The following FRRS1 variants were observed in gnomAD, a reference collection of about 807,000 sequenced individuals.
FRRS1 encodes ferric chelate reductase 1, also known as ferric reductase 1.
In FRRS1, 51 loss-of-function variants were observed where a neutral mutation model predicts 70.7. The observed-to-expected ratio is 0.72, with a 90% CI of 0.58 to 0.91. The LOEUF (loss-of-function observed/expected upper bound fraction) is 0.91. FRRS1 is among the 40% of genes least tolerant of loss of function. The probability of loss-of-function intolerance (pLI) is 0.00; values close to 1 mark genes in which losing one functional copy is unlikely to be tolerated. For synonymous variants in FRRS1, 225 were observed against 238.7 expected (o/e 0.94, Z 0.53); for missense variants, 672 against 726.0 (o/e 0.93, Z 0.86).
At chr1:99,766,308 T>C (rs891910514) in intron 1 of FRRS1, among the ~76,000 whole-genome samples, 1 of 152,016 alleles carries the variant, frequency 6.6e-6, no homozygotes, top group Admixed American at 6.6e-5. Context: ...AAAAAACTCC[T>C]GCAAGAATAA....
At position 99,704,541 on chromosome 1, in the gene FRRS1, CTAAG is replaced by C. The variant is rs1224051280; in HGVS notation, c.*4483_*4486del. ...CACCCCCAAACCCGTGCCCACGGGT[CTAAG>C]TGAGGACAGGCACCCCTGCCTTCAG... is the stretch of plus-strand genomic sequence containing the variant. On this transcript the variant is annotated 3_prime_UTR_variant, in exon 17 of 17. Transcript: ENST00000646001. 2.0e-5 allele frequency among the ~76,000 whole-genome samples: 3 copies of C among 152,152 alleles called. No individual in the cohort carries two copies. The highest frequency in any genetic ancestry group is 6.5e-5 in the Admixed American group (1 of 15,280).
rs1013157150 is a variant in FRRS1 at position 99,706,653 on chromosome 1, G to A, written c.*2375C>T. ...TCGTGCCTGTAATCCCAGCACTTTGGGAGGCTGAGGCGGGTGGATTACTTT... is the reference window on the plus strand; with the variant it reads ...TCGTGCCTGTAATCCCAGCACTTTGAGAGGCTGAGGCGGGTGGATTACTTT... On this transcript the variant is annotated 3_prime_UTR_variant, in exon 17 of 17. Transcript: ENST00000646001. Among the ~76,000 whole-genome samples the A allele has an allele frequency of 1.3e-5, 2 of 152,112 alleles. No individual in the cohort carries two copies. Among genetic ancestry groups the A allele is most frequent in the Non-Finnish European group, 2.9e-5 (2 of 68,022 alleles).
At chr1:99,730,874 A>C (rs1655343973) in intron 7 of FRRS1, among the ~76,000 whole-genome samples, 1 of 150,416 alleles carries the variant, frequency 6.6e-6, no homozygotes, top group Non-Finnish European at 1.5e-5. Flanking sequence ...CTCAAAAAAA[A>C]AAAAAAAAAA....
In FRRS1 at chr1:99,748,998, T is replaced by C; in HGVS notation, c.-102A>G. The C allele has an allele frequency of 2.6e-6, 1 of 383,096 alleles. No homozygotes were observed. The highest frequency in any genetic ancestry group is 4.6e-6 in the Non-Finnish European group (1 of 215,702). 23.7% of individuals were successfully genotyped at this position (383,096 alleles called of 1,614,324 possible). On this transcript the variant is annotated 5_prime_UTR_variant, in exon 2 of 17. Transcript: ENST00000646001. ...GCAAATCATTTAATCCTCCACTTCC[T>C]TACCTGAAAAATAAGGAAACAAAGA...
intron 1 of FRRS1, chr1:99,765,155 C>T (rs2101012958): frequency 6.6e-6 from 1 of 152,336 alleles, no homozygotes; most frequent in African/African-American, 2.4e-5. Flanking sequence ...AATCAACATA[C>T]TGGCTAACTA....
Position 99,711,184 on chromosome 1 carries a change from G to A in FRRS1, c.1481-235C>T, listed in dbSNP as rs189481234. 2.6e-4 allele frequency among the ~76,000 whole-genome samples: 40 copies of A among 152,254 alleles called. 2 individuals carry two copies. In the East Asian group the frequency reaches 5.6e-3, roughly 21 times the overall value. Reference sequence around the variant, plus strand: ...TGGGGGGCGGTTTAGGGCATATTGCGTAATAATGCTGGAGTTTGGCCTTCT... The same window carrying A: ...TGGGGGGCGGTTTAGGGCATATTGCATAATAATGCTGGAGTTTGGCCTTCT... On this transcript the variant is annotated intron_variant, in intron 14 of 16. Transcript: ENST00000646001.
rs963426631 is a variant in FRRS1 at position 99,707,732 on chromosome 1, T to C, written c.*1296A>G. On this transcript the variant is annotated 3_prime_UTR_variant, in exon 17 of 17. Coordinates refer to ENST00000646001, the MANE Select transcript of FRRS1 (RefSeq NM_001361041.2). ...ACAAAGCAGTGCAGTACTTCGGTAT[T>C]ACAGCGCCACCCACTGGCTAGAAGT... 2.0e-5 allele frequency among the ~76,000 whole-genome samples: 3 copies of C among 152,210 alleles called. No homozygotes were observed. The highest frequency in any genetic ancestry group is 2.0e-4 in the Admixed American group (3 of 15,282).
At chr1:99,741,412 G>C (rs1463635523) in intron 5 of FRRS1, among the ~76,000 whole-genome samples, 1 of 152,192 alleles carries the variant, frequency 6.6e-6, no homozygotes, top group Non-Finnish European at 1.5e-5. Context: ...TACCAGTGCA[G>C]AGTTGTGTTA....
In FRRS1 at chr1:99,748,744, C is replaced by G. The variant is rs764615877; in HGVS notation, c.25G>C (p.Gly9Arg). The change falls in exon 3 of 17, where the codon GGT becomes CGT. Residue 9 changes from glycine (G) to arginine (R), a missense_variant. By Grantham distance (125) the Gly-to-Arg change is moderately radical. Transcript: ENST00000646001. ...ATGTGCAACAGAAGTATGCAGGTAC[C>G]AAGAGTAAATCCAGAAACTGCCATC... MAVSGFTLGTCILLLHISY... is the reference protein window; with the variant it reads MAVSGFTLRTCILLLHISY... The G allele has an allele frequency of 1.8e-5, 29 of 1,613,550 alleles. No individual in the cohort carries two copies. The East Asian group carries it at 6.2e-4, about 35-fold the overall frequency.
chr1:99,728,471 G>T, intron 9 of FRRS1, 22 bp downstream of exon 9: 1 of 1,540,424 alleles, frequency 6.5e-7, no homozygotes, highest in Non-Finnish European at 8.8e-7. Flanking sequence ...CACTTGAAAA[G>T]ACAGCTTAAC....
At chr1:99,762,628 C>T (rs1657165641) in intron 1 of FRRS1, among the ~76,000 whole-genome samples, 1 of 152,116 alleles carries the variant, frequency 6.6e-6, no homozygotes, top group Non-Finnish European at 1.5e-5. Context: ...GTATGGACTT[C>T]TGTTTAGATA....
chr1:99,739,745 T>C (rs1655860441), intron 6 of FRRS1, among the ~76,000 whole-genome samples: 1 of 152,212 alleles, frequency 6.6e-6, no homozygotes, highest in Non-Finnish European at 1.5e-5. Flanking sequence ...GAGCTAAATA[T>C]TATTACATCT....
At chr1:99,759,931 C>G (rs905936781) in intron 1 of FRRS1, among the ~76,000 whole-genome samples, 1 of 152,168 alleles carries the variant, frequency 6.6e-6, no homozygotes, top group African/African-American at 2.4e-5. Flanking sequence ...CATCACTGTT[C>G]CCTGTTTAGA....
chr1:99,709,108 T>C lies in FRRS1; in HGVS notation c.1699A>G (p.Lys567Glu). 1 of 1,612,928 alleles carries C rather than the reference T, an allele frequency of 6.2e-7. No homozygotes were observed. Residue 567 changes from lysine (K) to glutamate (E), a missense_variant, in exon 17 of 17, where the codon AAA (lysine) becomes GAA (glutamate). Coordinates refer to ENST00000646001, the MANE Select transcript of FRRS1 (RefSeq NM_001361041.2). ...TAVETEGHAF[K>E]KAVLAIYVCG... ...ACATAAATTGCCAACACTGCCTTTT[T>C]AAAAGCATGACCCTGAAAGAAAAAT...
At chr1:99,720,005 AAG>A (rs1654737182) in intron 9 of FRRS1, among the ~76,000 whole-genome samples, 1 of 152,192 alleles carries the variant, frequency 6.6e-6, no homozygotes. Context: ...AAAATATTGA[AAG>A]AGAATACATA....
chr1:99,717,316 AAAACGCATAC>A, intron 11 of FRRS1, 84 bp downstream of exon 11: 1 of 842,984 alleles, frequency 1.2e-6, no homozygotes, highest in Admixed American at 1.8e-5. Context: ...CTGCAACCAC[AAAACGCATAC>A]ACATACACAC....
At chr1:99,709,319 T>A (rs1254109645) in intron 15 of FRRS1, 60 bp from the exon 16 acceptor site, 8 of 1,253,744 alleles carry the variant, frequency 6.4e-6, no homozygotes, top group Middle Eastern at 2.6e-4. Context: ...ATTAAATTTT[T>A]TAAAAAAACC....
At chr1:99,709,988 C>CA (rs1381859044) in intron 15 of FRRS1, among the ~76,000 whole-genome samples, 2 of 151,648 alleles carry the variant, frequency 1.3e-5, no homozygotes, top group Admixed American at 1.3e-4. Context: ...AACAAACAAA[C>CA]AAAAAAACAG....
At chr1:99,764,098 G>A (rs1293573032) in intron 1 of FRRS1, among the ~76,000 whole-genome samples, 1 of 152,108 alleles carries the variant, frequency 6.6e-6, no homozygotes, top group Non-Finnish European at 1.5e-5. Context: ...ATTCTAGGAG[G>A]TAGGCATTGT....
Sources: gnomAD v4.1 joint callset for allele counts (sites outside exome capture counted in the v4.1 genomes callset) on GRCh38, gnomAD v4.1.1 for gene constraint, MANE v1.5 for transcripts, NCBI Gene and HGNC (gene_info 2026-07-23, HGNC 2026-07-21) for gene names.